The following BRCC3 variants were observed in gnomAD, a reference collection of about 807,000 sequenced individuals.
The protein encoded by BRCC3 is lys-63-specific deubiquitinase BRCC36.
A neutral mutation model predicts 28.0 loss-of-function variants in BRCC3; 15 were observed. The ratio of observed to expected loss-of-function variants is 0.54; its 90% CI spans 0.36 to 0.82. The LOEUF is 0.82. Ranked by LOEUF, BRCC3 falls within the 40% of genes least tolerant of loss-of-function variation. The pLI is 0.01. For missense variants in BRCC3, 109 were observed against 225.9 expected (o/e 0.48, Z 3.32); for synonymous variants, 66 against 80.3 (o/e 0.82, Z 0.95).
intron 9 of BRCC3, among the ~76,000 whole-genome samples, chrX:155,119,696 G>A (rs1191304394): frequency 7.1e-5 from 8 of 112,106 alleles, no homozygotes; most frequent in East Asian, 2.8e-4. Context: ...GAACCCTTTC[G>A]TGGCTCTTAG....
chrX:155,081,331 CAA>C (rs1313952481), intron 5 of BRCC3, among the ~76,000 whole-genome samples: 5 of 40,899 alleles, frequency 1.2e-4, no homozygotes, highest in Admixed American at 3.2e-4. Context: ...GATTCTGTCT[CAA>C]AAAAAAAAAA....
chrX:155,090,826 CA>C lies in BRCC3; in HGVS notation c.539del (p.Lys180ArgfsTer29). On this transcript the variant is annotated frameshift_variant, in exon 7 of 11. Transcript: ENST00000330045. LOFTEE classifies it high-confidence loss of function. Reference protein sequence around the residue: ...LYTCFQSIQAQKSSEYERIEI... With the variant: ...LYTCFQSIQAXKSSEYERIEI... ...CACTTGCTTCCAATCCATACAGGCC[CA>C]AAAGAGTTCAGAGTAAGTATGAGAG... The C allele has an allele frequency of 8.4e-7, 1 of 1,189,631 alleles. No individual in the cohort carries two copies. Among genetic ancestry groups the C allele is most frequent in the Non-Finnish European group, 1.1e-6 (1 of 877,938 alleles).
At chrX:155,107,256 T>A (rs966185035) in intron 7 of BRCC3, among the ~76,000 whole-genome samples, 1 of 111,759 alleles carries the variant, frequency 8.9e-6, no homozygotes, top group African/African-American at 3.2e-5. Context: ...TGCTTAAGGC[T>A]GTGAATTTTC....
At chrX:155,097,113 G>T (rs2074215042) in intron 7 of BRCC3, among the ~76,000 whole-genome samples, 1 of 111,691 alleles carries the variant, frequency 9.0e-6, no homozygotes, top group Non-Finnish European at 1.9e-5. Flanking sequence ...TTATGAATAC[G>T]ACTCCAAAAG....
At chrX:155,088,628 C>T (rs782167586) in intron 5 of BRCC3, among the ~76,000 whole-genome samples, 16 of 111,740 alleles carry the variant, frequency 1.4e-4, no homozygotes, top group Admixed American at 4.7e-4. Context: ...GCTAGGATTA[C>T]AGGCAAGAGC....
At chrX:155,076,386 CAAAAACAA>C (rs374672684) in intron 3 of BRCC3, among the ~76,000 whole-genome samples, 10 of 106,681 alleles carry the variant, frequency 9.4e-5, no homozygotes, top group South Asian at 4.1e-4. Flanking sequence ...GAGACTGTGT[CAAAAACAA>C]AAAAACAAAA....
intron 8 of BRCC3, 72 bp from the exon 9 acceptor site, chrX:155,116,639 G>A (rs1557298812): frequency 1.4e-6 from 1 of 701,180 alleles, no homozygotes; most frequent in African/African-American, 2.2e-5. Context: ...GTTGGCAACG[G>A]TATAGTCCAT....
intron 7 of BRCC3, among the ~76,000 whole-genome samples, chrX:155,105,340 A>G (rs189461627): frequency 3.3e-4 from 37 of 111,108 alleles, no homozygotes; most frequent in Admixed American, 2.8e-3. Context: ...AAAATTAGCC[A>G]AGTGTGGTGG....
In BRCC3 at chrX:155,075,280, G is replaced by GAA. The variant is rs1569560409; in HGVS notation, c.195+1849_195+1850insAA. On this transcript the variant is annotated intron_variant, in intron 3 of 10. Coordinates refer to ENST00000330045, the MANE Select transcript of BRCC3 (RefSeq NM_001018055.3). Reference sequence around the variant, plus strand: ...TCCCTTCAACATCTGATAATGCTAAGCCCACTCTTTCCCCTGGCCCTTCTT... The same window carrying GAA: ...TCCCTTCAACATCTGATAATGCTAAGAACCCACTCTTTCCCCTGGCCCTTCTT... 6.0e-5 allele frequency among the ~76,000 whole-genome samples: 3 copies of GAA among 50,053 alleles called. No homozygotes were observed. In the African/African-American group the frequency reaches 1.9e-3, roughly 31 times the overall value. The allele number at this position is 50,053 out of a possible 115,157, so 43.5% of individuals were successfully genotyped here. A position where few individuals can be genotyped will look rare whatever the true frequency, so the allele number is the denominator to read the frequency against.
At chrX:155,090,416 T>A (rs1326203435) in intron 6 of BRCC3, among the ~76,000 whole-genome samples, 4 of 112,631 alleles carry the variant, frequency 3.6e-5, no homozygotes, top group African/African-American at 9.7e-5. Flanking sequence ...TAAAGTTCAG[T>A]ACCTTGAACT....
At chrX:155,084,445 C>G (rs2074106588) in intron 5 of BRCC3, among the ~76,000 whole-genome samples, 1 of 111,396 alleles carries the variant, frequency 9.0e-6, no homozygotes, top group African/African-American at 3.3e-5. Flanking sequence ...TCACTGCAAG[C>G]TCCGCCTCCC....
Position 155,071,645 on chromosome X carries a change from G to GTC in BRCC3, c.118_119insTC (p.Gly40ValfsTer4). 1 of 1,207,755 alleles carries GTC rather than the reference G, an allele frequency of 8.3e-7. No homozygotes were observed. Among genetic ancestry groups the GTC allele is most frequent in the Non-Finnish European group, 1.1e-6 (1 of 893,306 alleles). On this transcript the variant is annotated frameshift_variant, in exon 1 of 11. Coordinates refer to ENST00000330045, the MANE Select transcript of BRCC3 (RefSeq NM_001018055.3). LOFTEE classifies it high-confidence loss of function. Reference sequence around the variant, plus strand: ...GGAGGAAGTAATGGGGCTGTGCATAGGGGAGGTGAGTAGGTCTGTTAGCCT... The same window carrying GTC: ...GGAGGAAGTAATGGGGCTGTGCATAGTCGGGAGGTGAGTAGGTCTGTTAGCCT...
At chrX:155,112,535 A>T (rs2074328206) in intron 7 of BRCC3, among the ~76,000 whole-genome samples, 1 of 113,202 alleles carries the variant, frequency 8.8e-6, no homozygotes, top group Non-Finnish European at 1.9e-5. Context: ...CAAGGATAAG[A>T]GAGGACTACA....
At chrX:155,116,026 T>TA in intron 7 of BRCC3, 31 bp from the exon 8 acceptor site, 1 of 1,197,446 alleles carries the variant, frequency 8.4e-7, no homozygotes, top group South Asian at 1.8e-5. Flanking sequence ...ACTCAGGGTT[T>TA]AAAAACTGAC....
Position 155,120,005 on chromosome X carries a change from C to T in BRCC3, c.731C>T (p.Thr244Ile). 8.3e-7 allele frequency: 1 copy of T among 1,202,742 alleles called. No individual in the cohort carries two copies. Among genetic ancestry groups the T allele is most frequent in the Non-Finnish European group, 1.1e-6 (1 of 892,290 alleles). The change falls in exon 10 of 11, where the codon ACC (threonine) becomes ATC (isoleucine). Residue 244 changes from threonine (T) to isoleucine (I), a missense_variant. Around this residue, in one of 3 missense-constraint regions of BRCC3, gnomAD observed 50 missense variants for 115.2 expected, o/e 0.43. Coordinates refer to ENST00000330045, the MANE Select transcript of BRCC3 (RefSeq NM_001018055.3). ...VTKIHNGSVFTKNLCSQMSAV... is the reference protein window; with the variant it reads ...VTKIHNGSVFIKNLCSQMSAV... ...TTTATTTTTCCTATTGAAGTGTTTA[C>T]CAAGAATCTGTGCAGTCAGATGTCG...
chrX:155,105,928 A>G (rs1353019281), intron 7 of BRCC3, among the ~76,000 whole-genome samples: 1 of 111,355 alleles, frequency 9.0e-6, no homozygotes, highest in African/African-American at 3.3e-5. Flanking sequence ...CGAACTCCCA[A>G]CCTCCCAAAG....
At chrX:155,094,002 GA>G (rs2074192821) in intron 7 of BRCC3, among the ~76,000 whole-genome samples, 1 of 111,287 alleles carries the variant, frequency 9.0e-6, no homozygotes, top group African/African-American at 3.3e-5. Flanking sequence ...ATATGATATT[GA>G]AAATGTTAGA....
At chrX:155,116,542 T>C (rs2074357334) in intron 8 of BRCC3, among the ~76,000 whole-genome samples, 169 bp from the exon 9 acceptor site, 3 of 111,871 alleles carry the variant, frequency 2.7e-5, no homozygotes, top group Non-Finnish European at 3.8e-5. Flanking sequence ...AATTATCACT[T>C]TGAATTATCT....
intron 8 of BRCC3, 44 bp downstream of exon 8, chrX:155,116,232 GTC>G: frequency 1.8e-6 from 2 of 1,123,456 alleles, no homozygotes; most frequent in Middle Eastern, 2.4e-4. Flanking sequence ...TCAGGACCTA[GTC>G]TCTCTTTTCT....
Sources: allele counts gnomAD v4.1 joint callset (sites outside exome capture counted in the v4.1 genomes callset), GRCh38; gene constraint gnomAD v4.1.1; regional missense constraint gnomAD v4.1.1; transcripts MANE v1.5; gene names NCBI Gene and HGNC (gene_info 2026-07-23, HGNC 2026-07-21).